Variants in CDH4 observed in about 807,000 individuals in gnomAD.
The protein encoded by CDH4 is cadherin-4.
A neutral mutation model predicts 86.0 loss-of-function variants in CDH4; 33 were observed. That is an observed-to-expected ratio of 0.38 (90% confidence interval 0.29 to 0.51). The LOEUF is 0.51. Among genes scored for constraint, CDH4 ranks in the 20% least tolerant of loss-of-function variants. CDH4 has a pLI of 0.86. For missense variants in CDH4, 1,114 were observed against 1,307.4 expected, an observed-to-expected ratio of 0.85 and a Z score of 2.28; for synonymous variants, 555 against 549.4, an observed-to-expected ratio of 1.01 and a Z score of -0.14.
In CDH4 at chr20:61,410,330, T is replaced by C. The variant is rs536653162; in HGVS notation, c.169+155393T>C. 3.3e-5 allele frequency among the ~76,000 whole-genome samples: 5 copies of C among 152,282 alleles called. No individual in the cohort carries two copies. In the East Asian group the frequency reaches 9.7e-4, roughly 29 times the overall value. On this transcript the variant is annotated intron_variant, in intron 2 of 15. Coordinates refer to ENST00000614565, the MANE Select transcript of CDH4 (RefSeq NM_001794.5). ...TTCCTCCCGTTAGTCTCTCCATTCT[T>C]CCATCTGTCCATCATCTTCCATTCC...
chr20:61,865,289 C>T (rs941137869), intron 6 of CDH4, among the ~76,000 whole-genome samples: 1 of 151,970 alleles, frequency 6.6e-6, no homozygotes, highest in Admixed American at 6.5e-5. Flanking sequence ...AGATGATGGA[C>T]TGACTTCTTG....
At chr20:61,800,218 A>G (rs1979755699) in intron 4 of CDH4, among the ~76,000 whole-genome samples, 1 of 152,176 alleles carries the variant, frequency 6.6e-6, no homozygotes, top group Non-Finnish European at 1.5e-5. Context: ...CAAAGCCCCG[A>G]AGACCAGACC....
intron 2 of CDH4, among the ~76,000 whole-genome samples, chr20:61,706,527 A>G (rs1425859317): frequency 6.6e-6 from 1 of 152,136 alleles, no homozygotes; most frequent in East Asian, 1.9e-4. Flanking sequence ...TACGACGAAG[A>G]CTCCGGGGAG....
At chr20:61,307,030 TAGTG>T (rs1241335220) in intron 2 of CDH4, among the ~76,000 whole-genome samples, 8 of 152,116 alleles carry the variant, frequency 5.3e-5, no homozygotes, top group African/African-American at 1.9e-4. Flanking sequence ...AGCCAGTCCA[TAGTG>T]AGAGTAAGCA....
intron 4 of CDH4, among the ~76,000 whole-genome samples, chr20:61,832,707 C>G (rs1981678053): frequency 6.6e-6 from 1 of 152,090 alleles, no homozygotes; most frequent in African/African-American, 2.4e-5. Context: ...ATGATCCATT[C>G]ATCTCCCACC....
chr20:61,852,646 C>T (rs1474535075), intron 5 of CDH4, 108 bp from the exon 6 acceptor site: 12 of 1,192,770 alleles, frequency 1.0e-5, no homozygotes, highest in Non-Finnish European at 1.2e-5. Flanking sequence ...CTATAGCCAA[C>T]CTGCTTCTGC....
intron 2 of CDH4, among the ~76,000 whole-genome samples, chr20:61,303,442 G>A (rs972329269): frequency 3.9e-5 from 5 of 129,838 alleles, no homozygotes; most frequent in Admixed American, 8.3e-5. Context: ...GCCCTGCCCC[G>A]TCTGGCCCTG....
chr20:61,810,096 G>A lies in CDH4; in HGVS notation c.577-34572G>A, dbSNP rs764003754. On this transcript the variant is annotated intron_variant, in intron 4 of 15. Transcript: ENST00000614565. The surrounding 1 kb of genome is among the most constrained non-coding windows in gnomAD (Gnocchi z 4.3). ...TCACACATCCAGAGGTTTGGCTAGC[G>A]TTGGTCAGACCTGGACGGGCCTCAG... is the stretch of plus-strand genomic sequence containing the variant. 9.2e-5 allele frequency among the ~76,000 whole-genome samples: 14 copies of A among 152,174 alleles called. No homozygotes were observed. Among genetic ancestry groups the A allele is most frequent in the Non-Finnish European group, 1.3e-4 (9 of 68,036 alleles).
chr20:61,807,755 G>C lies in CDH4; in HGVS notation c.576+34573G>C, dbSNP rs1451400684. Among the ~76,000 whole-genome samples, 1 of 152,242 alleles carries C rather than the reference G, an allele frequency of 6.6e-6. No individual in the cohort carries two copies. Among genetic ancestry groups the C allele is most frequent in the Non-Finnish European group, 1.5e-5 (1 of 68,046 alleles). On this transcript the variant is annotated intron_variant, in intron 4 of 15. Transcript: ENST00000614565. This position sits in a 1 kb window ranked among gnomAD's most constrained non-coding sequence, Gnocchi z 4.5. ...GGAAAATGCCTGGCGCCAGTAGGAG[G>C]CCCAGCTAGCTGGGAGTTCTGAAAT...
At position 61,789,201 on chromosome 20, in the gene CDH4, G is replaced by A. The variant is rs553714422; in HGVS notation, c.576+16019G>A. On this transcript the variant is annotated intron_variant, in intron 4 of 15. Transcript: ENST00000614565. ...TCCGTAGAGGCCCGAGATGGCCTAC[G>A]GATGCATCTGCACCTGAGCTGTGTG... 1.1e-4 allele frequency among the ~76,000 whole-genome samples: 17 copies of A among 152,352 alleles called. No homozygotes were observed. The South Asian group carries it at 2.3e-3, about 20-fold the overall frequency.
chr20:61,402,117 G>A (rs1892321), intron 2 of CDH4, among the ~76,000 whole-genome samples: 4 of 151,558 alleles, frequency 2.6e-5, no homozygotes, highest in South Asian at 2.1e-4. Flanking sequence ...GCACAGAGCC[G>A]CTGTCTTAAA....
intron 2 of CDH4, chr20:61,570,347 C>T (rs925194395): frequency 3.5e-6 from 1 of 283,248 alleles, no homozygotes; most frequent in Non-Finnish European, 6.7e-6. Context: ...AGTGAAAAGC[C>T]ACTTCCCAGG....
chr20:61,814,390 G>A (rs1350248195), intron 4 of CDH4, among the ~76,000 whole-genome samples: 3 of 152,192 alleles, frequency 2.0e-5, no homozygotes, highest in South Asian at 2.1e-4. Flanking sequence ...ACTGTGGGCC[G>A]AGGCTGGCAG....
chr20:61,932,914 C>A, intron 13 of CDH4, 71 bp from the exon 14 acceptor site: 1 of 1,566,506 alleles, frequency 6.4e-7, no homozygotes, highest in South Asian at 1.2e-5. Context: ...CACATAGACA[C>A]ATGGCAAACA....
chr20:61,289,534 G>A (rs1213905456), intron 2 of CDH4, among the ~76,000 whole-genome samples: 4 of 152,232 alleles, frequency 2.6e-5, no homozygotes, highest in East Asian at 1.9e-4. Context: ...CTGTGTGGGT[G>A]CCCAGGGGCA....
intron 2 of CDH4, among the ~76,000 whole-genome samples, chr20:61,565,778 T>G (rs1273308555): frequency 1.3e-5 from 2 of 152,094 alleles, no homozygotes; most frequent in East Asian, 3.9e-4. Flanking sequence ...TCCTTCCACG[T>G]AGGGAACAGC....
chr20:61,866,368 G>T (rs1983549706), intron 6 of CDH4, among the ~76,000 whole-genome samples: 1 of 152,134 alleles, frequency 6.6e-6, no homozygotes, highest in South Asian at 2.1e-4. Flanking sequence ...TGCTGAGTGG[G>T]CACATTTTGA....
rs547443072 is a variant in CDH4, at chr20:61,936,884, G to C, written c.2692G>C (p.Asp898His). 1 of 1,603,978 alleles carries C rather than the reference G, an allele frequency of 6.2e-7. No homozygotes were observed. The highest frequency in any genetic ancestry group is 8.5e-7 in the Non-Finnish European group (1 of 1,175,498). ...GGACCAAGACTACGATTACCTCAAC[G>C]ACTGGGGGCCCAGATTCAAGAAGCT... ...SGDQDYDYLN[D>H]WGPRFKKLAD... Residue 898 changes from aspartate to histidine, a missense_variant, in exon 16 of 16, where the codon GAC (aspartate) becomes CAC (histidine). Transcript: ENST00000614565.
At chr20:61,262,718 G>A (rs1305452876) in intron 2 of CDH4, among the ~76,000 whole-genome samples, 1 of 151,984 alleles carries the variant, frequency 6.6e-6, no homozygotes, top group Non-Finnish European at 1.5e-5. Context: ...AAATGGAGGT[G>A]GATAAAGGAA....
Sources: gnomAD v4.1 joint callset for allele counts (sites outside exome capture counted in the v4.1 genomes callset) on GRCh38, gnomAD v4.1.1 for gene constraint, Gnocchi (gnomAD v3.1) non-coding constraint, MANE v1.5 for transcripts, NCBI Gene and HGNC (gene_info 2026-07-23, HGNC 2026-07-21) for gene names.